Variants in NRXN3 observed in about 807,000 individuals in gnomAD.
NRXN3 encodes the protein neurexin 3, also known as neurexin III.
NRXN3 carries 32 observed loss-of-function variants against 137.6 expected under a neutral mutation model. The observed-to-expected ratio is 0.23, with a 90% CI of 0.18 to 0.31. The LOEUF is 0.31. Among genes scored for constraint, NRXN3 ranks in the 10% least tolerant of loss-of-function variants. The pLI is 1.00. For synonymous variants in NRXN3, 798 were observed against 784.5 expected (o/e 1.02, Z -0.29); for missense variants, 1,574 against 2,062.5 (o/e 0.76, Z 4.59).
intron 16 of NRXN3, among the ~76,000 whole-genome samples, chr14:79,613,192 C>T (rs149169454): frequency 5.3e-5 from 8 of 152,320 alleles, no homozygotes; most frequent in African/African-American, 1.7e-4. Context: ...AATGCCAGAA[C>T]ACAAAGATAA....
At chr14:78,532,907 A>G (rs749793566) in intron 4 of NRXN3, among the ~76,000 whole-genome samples, 7 of 151,842 alleles carry the variant, frequency 4.6e-5, no homozygotes, top group East Asian at 1.9e-4. Flanking sequence ...ACCACTATCT[A>G]TCTCAGCTAG....
intron 10 of NRXN3, among the ~76,000 whole-genome samples, chr14:78,926,906 T>TA (rs2099303522): frequency 2.9e-5 from 1 of 34,076 alleles, no homozygotes; most frequent in Non-Finnish European, 4.2e-5. Context: ...ATATAATATA[T>TA]ATAATATATA....
chr14:78,937,596 C>G (rs903085317), intron 10 of NRXN3, among the ~76,000 whole-genome samples: 1 of 152,112 alleles, frequency 6.6e-6, no homozygotes, highest in Non-Finnish European at 1.5e-5. Flanking sequence ...GGTTCAAAAT[C>G]ATATTTTTTA....
chr14:78,755,001 C>T (rs879749072), intron 8 of NRXN3, among the ~76,000 whole-genome samples: 2 of 151,988 alleles, frequency 1.3e-5, no homozygotes, highest in Non-Finnish European at 2.9e-5. Flanking sequence ...AGCAAAGTTA[C>T]ATTGTGCCAG....
At chr14:79,189,641 T>C (rs1378064710) in intron 15 of NRXN3, among the ~76,000 whole-genome samples, 1 of 152,196 alleles carries the variant, frequency 6.6e-6, no homozygotes, top group East Asian at 1.9e-4. Flanking sequence ...ATATGGCTTT[T>C]GCTTTTGTAG....
chr14:78,272,259 G>A (rs1411648567), intron 2 of NRXN3, among the ~76,000 whole-genome samples: 1 of 152,116 alleles, frequency 6.6e-6, no homozygotes, highest in Non-Finnish European at 1.5e-5. Flanking sequence ...GCCCCAGCCT[G>A]TAGAAGCCCA....
intron 8 of NRXN3, among the ~76,000 whole-genome samples, chr14:78,747,152 T>C (rs995254858): frequency 6.6e-6 from 1 of 152,134 alleles, no homozygotes; most frequent in Non-Finnish European, 1.5e-5. Context: ...GAAAGTCTGG[T>C]GTTTCACATT....
At chr14:78,173,567 A>G (rs2058955656) in intron 1 of NRXN3, among the ~76,000 whole-genome samples, 3 of 98,374 alleles carry the variant, frequency 3.0e-5, no homozygotes, top group African/African-American at 1.2e-4. Flanking sequence ...TCCTCCCCCA[A>G]TTCTGCCATG....
chr14:79,725,896 C>T (rs1362669235), intron 19 of NRXN3, among the ~76,000 whole-genome samples: 1 of 152,036 alleles, frequency 6.6e-6, no homozygotes, highest in Non-Finnish European at 1.5e-5. Context: ...CTTTTTGCAA[C>T]ATGGGGAGAA....
At chr14:79,697,501 G>A (rs2098739848) in intron 18 of NRXN3, 129 bp from the exon 19 acceptor site, 4 of 864,372 alleles carry the variant, frequency 4.6e-6, no homozygotes, top group Non-Finnish European at 7.0e-6. Flanking sequence ...CTGAGGTTTT[G>A]TTGTCTATTT....
intron 2 of NRXN3, among the ~76,000 whole-genome samples, chr14:78,267,554 C>T (rs1264009681): frequency 2.0e-5 from 3 of 152,136 alleles, no homozygotes; most frequent in African/African-American, 7.2e-5. Flanking sequence ...AAATGTTAGC[C>T]AGGCATGGTG....
At chr14:79,439,435 G>A (rs1174194625) in intron 15 of NRXN3, among the ~76,000 whole-genome samples, 1 of 152,182 alleles carries the variant, frequency 6.6e-6, no homozygotes, top group Non-Finnish European at 1.5e-5. Flanking sequence ...GTGCCATGCA[G>A]TTACAGATTT....
In NRXN3 at chr14:78,222,626, A is replaced by G. The variant is rs573752431; in HGVS notation, c.-703-19765A>G. Among the ~76,000 whole-genome samples the G allele has an allele frequency of 2.0e-5, 3 of 152,144 alleles. No individual in the cohort carries two copies. The East Asian group carries it at 5.8e-4, about 29-fold the overall frequency. ...TTTTTTTTTTCCTTTTGGCACTACA[A>G]ATAAGGAAGCCAGAGGGTGAGTGTG... On this transcript the variant is annotated intron_variant, in intron 1 of 20. Coordinates refer to ENST00000335750, the MANE Select transcript of NRXN3 (RefSeq NM_001330195.2).
intron 15 of NRXN3, among the ~76,000 whole-genome samples, chr14:79,429,361 T>C (rs987820235): frequency 1.3e-5 from 2 of 152,204 alleles, no homozygotes; most frequent in African/African-American, 4.8e-5. Context: ...TCAGTAAGAA[T>C]GTGGCTTCTG....
At chr14:79,347,531 C>T (rs983758112) in intron 15 of NRXN3, among the ~76,000 whole-genome samples, 1 of 49,698 alleles carries the variant, frequency 2.0e-5, no homozygotes, top group Non-Finnish European at 4.7e-5. Context: ...AAGCGATTCT[C>T]CTGCTTCAGC....
intron 15 of NRXN3, among the ~76,000 whole-genome samples, chr14:79,403,249 G>A (rs1190975657): frequency 2.6e-5 from 4 of 152,134 alleles, no homozygotes; most frequent in South Asian, 2.1e-4. Context: ...ATGTGTGAAC[G>A]GACATATGCA....
intron 15 of NRXN3, among the ~76,000 whole-genome samples, chr14:79,400,123 A>G (rs909797340): frequency 6.6e-6 from 1 of 152,170 alleles, no homozygotes; most frequent in African/African-American, 2.4e-5. Context: ...TGTATCTACA[A>G]CGATTCTATT....
intron 15 of NRXN3, among the ~76,000 whole-genome samples, chr14:79,276,390 G>A (rs1410381999): frequency 2.0e-5 from 3 of 152,168 alleles, no homozygotes; most frequent in Non-Finnish European, 4.4e-5. Flanking sequence ...AGTGGAAGAA[G>A]TAAAATAGAC....
intron 2 of NRXN3, among the ~76,000 whole-genome samples, chr14:78,247,070 C>T (rs1370302921): frequency 2.0e-5 from 3 of 152,214 alleles, no homozygotes; most frequent in Non-Finnish European, 4.4e-5. Flanking sequence ...GCGAGGGCCT[C>T]TGCAGCTTCA....
Sources: gnomAD v4.1 joint callset for allele counts (sites outside exome capture counted in the v4.1 genomes callset) on GRCh38, gnomAD v4.1.1 for gene constraint, MANE v1.5 for transcripts, NCBI Gene and HGNC (gene_info 2026-07-23, HGNC 2026-07-21) for gene names.